TMPRSS9: variants seen among roughly 807,000 people sequenced by gnomAD.
The protein encoded by TMPRSS9 is transmembrane protease serine 9.
In TMPRSS9, 113 loss-of-function variants were observed where a neutral mutation model predicts 111.4. The observed-to-expected ratio is 1.01, with a 90% CI of 0.87 to 1.19. TMPRSS9 has a LOEUF of 1.19. TMPRSS9 is among the 50% of genes most tolerant of loss of function. The pLI is 0.00. For synonymous variants in TMPRSS9, 805 were observed against 659.1 expected, an observed-to-expected ratio of 1.22 and a Z score of -3.39; for missense variants, 1,803 against 1,513.1, an observed-to-expected ratio of 1.19 and a Z score of -3.18.
intron 1 of TMPRSS9, among the ~76,000 whole-genome samples, chr19:2,372,002 G>A (rs570444459): frequency 6.6e-6 from 1 of 152,316 alleles, no homozygotes; most frequent in Admixed American, 6.5e-5. Context: ...CCGGGTTCAA[G>A]CTGGGATTAT....
At position 2,424,983 on chromosome 19, in the gene TMPRSS9, G is replaced by C. The variant is rs1382830385; in HGVS notation, c.2718-19G>C. ...GGCGTGGGGGCTCGGGCCGACGCCT[G>C]TCCTCGCGCGCCCCGCAGCTACGGG... is the stretch of plus-strand genomic sequence containing the variant. On this transcript the variant is annotated intron_variant, in intron 15 of 17. Coordinates refer to ENST00000648592, the Ensembl canonical transcript of TMPRSS9. 2 of 1,498,084 alleles carry C rather than the reference G, an allele frequency of 1.3e-6. No individual in the cohort carries two copies. Among genetic ancestry groups the C allele is most frequent in the Non-Finnish European group, 1.8e-6 (2 of 1,128,448 alleles). 92.8% of individuals were successfully genotyped at this position (1,498,084 alleles called of 1,614,324 possible).
intron 1 of TMPRSS9, among the ~76,000 whole-genome samples, chr19:2,395,052 G>A (rs1365432685): frequency 6.6e-6 from 1 of 152,050 alleles, no homozygotes; most frequent in African/African-American, 2.4e-5. Flanking sequence ...AGGCTGAGGC[G>A]GGCAGATCAC....
intron 17 of TMPRSS9, 55 bp downstream of exon 18, chr19:2,425,548 G>A (rs868262038): frequency 5.5e-6 from 8 of 1,467,636 alleles, no homozygotes; most frequent in Middle Eastern, 2.2e-4. Flanking sequence ...CGGGGAGGGC[G>A]GGTTCCCGCT....
At chr19:2,396,558 C>T (rs7252886) in exon 2 of TMPRSS9, 463,677 of 1,607,640 alleles carry the variant, frequency 0.29, 74,376 homozygotes, top group East Asian at 0.57. Context: ...CTACACAGGG[C>T]TTCCACGTGG....
chr19:2,394,849 C>T (rs112378258), intron 1 of TMPRSS9, among the ~76,000 whole-genome samples: 3 of 152,070 alleles, frequency 2.0e-5, no homozygotes, highest in Admixed American at 6.6e-5. Flanking sequence ...AACTCGTGCT[C>T]TCATGGTTTC....
upstream of TMPRSS9, among the ~76,000 whole-genome samples, chr19:2,387,859 G>A (rs912066607): frequency 1.3e-5 from 2 of 152,104 alleles, no homozygotes; most frequent in Non-Finnish European, 2.9e-5. Context: ...GTAATCTGAT[G>A]GACACTTCAA....
chr19:2,424,536 C>G (rs531420404), intron 15 of TMPRSS9, among the ~76,000 whole-genome samples: 103 of 138,496 alleles, frequency 7.4e-4, no homozygotes, highest in Admixed American at 3.3e-3. Flanking sequence ...AAGCTGCGGC[C>G]CCCCCCCTCC....
chr19:2,372,751 T>A (rs986699924), intron 1 of TMPRSS9, among the ~76,000 whole-genome samples: 2 of 152,210 alleles, frequency 1.3e-5, no homozygotes, highest in East Asian at 3.8e-4. Flanking sequence ...TATTTTTTTT[T>A]AACTCTAAAC....
intron 11 of TMPRSS9, 98 bp downstream of exon 12, chr19:2,415,939 A>C: frequency 7.3e-7 from 1 of 1,362,740 alleles, no homozygotes; most frequent in Non-Finnish European, 9.7e-7. Flanking sequence ...CATGGACCCC[A>C]CTGGGGAGCA....
At chr19:2,414,068 T>G in intron 10 of TMPRSS9, 50 bp downstream of exon 11, 1 of 1,463,694 alleles carries the variant, frequency 6.8e-7, no homozygotes, top group Non-Finnish European at 9.1e-7. Context: ...CTATCTTGAT[T>G]TAGGGAGAAC....
At position 2,415,652 on chromosome 19, in the gene TMPRSS9, C is replaced by T; in HGVS notation, c.1574-18C>T. ...GCAGGCCAAGATCCCCAGACCTGGT[C>T]TTGTGTCCTCCTTCCAGAATGTGGG... On this transcript the variant is annotated intron_variant, in intron 10 of 17. Transcript: ENST00000648592. The T allele has an allele frequency of 6.4e-7, 1 of 1,566,258 alleles. No homozygotes were observed. The highest frequency in any genetic ancestry group is 1.2e-5 in the South Asian group (1 of 85,058).
chr19:2,396,613 C>CG lies in TMPRSS9; in HGVS notation c.219dup (p.Arg74AlafsTer21), dbSNP rs1568178023. The CG allele has an allele frequency of 6.2e-7, 1 of 1,606,840 alleles. No individual in the cohort carries two copies. The highest frequency in any genetic ancestry group is 1.3e-5 in the African/African-American group (1 of 74,848). ...GGGAATCCGGTGGACCAGCAGTTTG[C>CG]GGCGGGAGACCTCGGACTATCACCG... On this transcript the variant is annotated frameshift_variant, in exon 2 of 18. Transcript: ENST00000648592. LOFTEE classifies it high-confidence loss of function.
intron 14 of TMPRSS9, among the ~76,000 whole-genome samples, chr19:2,422,845 G>A (rs369224319): frequency 1.3e-5 from 2 of 152,292 alleles, no homozygotes; most frequent in South Asian, 2.1e-4. Context: ...CCGAGATCGT[G>A]CCATTGCACT....
intron 5 of TMPRSS9, among the ~76,000 whole-genome samples, chr19:2,402,219 C>A (rs1386468653): frequency 6.7e-6 from 1 of 149,894 alleles, no homozygotes; most frequent in African/African-American, 2.5e-5. Context: ...AGAGCGAGAC[C>A]CTATCTCTAC....
At chr19:2,396,480 C>A in intron 1 of TMPRSS9, 59 bp from the exon 3 acceptor site, 1 of 1,512,718 alleles carries the variant, frequency 6.6e-7, no homozygotes, top group East Asian at 2.5e-5. Flanking sequence ...GGTGGCAGCT[C>A]AGCGGAGCCC....
chr19:2,393,443 C>T (rs1970641614), intron 1 of TMPRSS9, among the ~76,000 whole-genome samples: 1 of 152,170 alleles, frequency 6.6e-6, no homozygotes. Flanking sequence ...ATTCCGAACA[C>T]ATCCGAACAT....
chr19:2,388,129 C>T (rs569238683), upstream of TMPRSS9, among the ~76,000 whole-genome samples: 2 of 152,226 alleles, frequency 1.3e-5, no homozygotes, highest in South Asian at 2.1e-4. Flanking sequence ...CGGTGGCTCA[C>T]GCCGGTAATC....
At chr19:2,416,439 CCT>C in intron 11 of TMPRSS9, 97 bp from the exon 13 acceptor site, 1 of 1,483,570 alleles carries the variant, frequency 6.7e-7, no homozygotes, top group African/African-American at 1.4e-5. Context: ...CCCAGGCAGC[CCT>C]GTGTGGCTTC....
At chr19:2,362,101 ATG>A (rs1348038192) in intron 1 of TMPRSS9, among the ~76,000 whole-genome samples, 3 of 151,730 alleles carry the variant, frequency 2.0e-5, no homozygotes, top group Non-Finnish European at 2.9e-5. Context: ...TGTGTATTAT[ATG>A]TGTGTGTGGG....
Sources: allele counts gnomAD v4.1 joint callset (sites outside exome capture counted in the v4.1 genomes callset), GRCh38; gene constraint gnomAD v4.1.1; transcripts MANE v1.5; gene names NCBI Gene and HGNC (gene_info 2026-07-23, HGNC 2026-07-21).